ANKRD17: variants seen among roughly 807,000 people sequenced by gnomAD.
ANKRD17 encodes ankyrin repeat domain-containing protein 17.
A neutral mutation model predicts 229.7 loss-of-function variants in ANKRD17; 19 were observed. The ratio of observed to expected loss-of-function variants is 0.08; its 90% CI spans 0.06 to 0.12. The LOEUF (loss-of-function observed/expected upper bound fraction) is 0.12, where lower values mean the gene tolerates loss of function less well. ANKRD17 is among the 10% of genes least tolerant of loss of function. ANKRD17 has a pLI of 1.00. For synonymous variants in ANKRD17, 1,112 were observed against 1,146.1 expected, an observed-to-expected ratio of 0.97 and a Z score of 0.60; for missense variants, 2,176 against 3,176.8, an observed-to-expected ratio of 0.68 and a Z score of 7.57.
At chr4:73,150,816 T>A (rs1336620093) in intron 7 of ANKRD17, among the ~76,000 whole-genome samples, 1 of 152,072 alleles carries the variant, frequency 6.6e-6, no homozygotes, top group Non-Finnish European at 1.5e-5. Context: ...GGTTTAAGAG[T>A]ACTGTTATGA....
intron 2 of ANKRD17, among the ~76,000 whole-genome samples, chr4:73,171,348 T>C (rs190329283): frequency 1.2e-4 from 18 of 152,276 alleles, no homozygotes; most frequent in Admixed American, 1.1e-3. Flanking sequence ...TAAAAAATCA[T>C]AGCGATACTG....
chr4:73,227,937 T>C (rs1014418973), intron 1 of ANKRD17, among the ~76,000 whole-genome samples: 1 of 152,146 alleles, frequency 6.6e-6, no homozygotes, highest in African/African-American at 2.4e-5. Context: ...TCCTATCAAT[T>C]TTTTAACTTA....
intron 1 of ANKRD17, 24 bp downstream of exon 1, chr4:73,258,252 C>T: frequency 6.2e-7 from 1 of 1,613,578 alleles, no homozygotes; most frequent in South Asian, 1.1e-5. Context: ...TTCCTCCCTC[C>T]TTCCTTTGAA....
At chr4:73,223,381 G>A (rs1466255459) in intron 1 of ANKRD17, among the ~76,000 whole-genome samples, 1 of 152,212 alleles carries the variant, frequency 6.6e-6, no homozygotes, top group Non-Finnish European at 1.5e-5. Context: ...GAACAAAAGA[G>A]GTTGAAGTGG....
intron 24 of ANKRD17, among the ~76,000 whole-genome samples, chr4:73,104,895 T>TA (rs1724432699): frequency 6.6e-6 from 1 of 152,122 alleles, no homozygotes; most frequent in South Asian, 2.1e-4. Context: ...GGCTGGGTCT[T>TA]AGATATGTAA....
chr4:73,233,858 T>A (rs563782929), intron 1 of ANKRD17, among the ~76,000 whole-genome samples: 5 of 152,268 alleles, frequency 3.3e-5, no homozygotes, highest in Admixed American at 2.6e-4. Context: ...AAGAACTTAG[T>A]TATTTGATTT....
chr4:73,108,098 G>A (rs1314714092), intron 24 of ANKRD17, among the ~76,000 whole-genome samples: 1 of 152,128 alleles, frequency 6.6e-6, no homozygotes, highest in Admixed American at 6.5e-5. Flanking sequence ...CCAGGCTCAG[G>A]TGATCCTCCC....
At chr4:73,204,910 A>G (rs2149125895) in intron 1 of ANKRD17, among the ~76,000 whole-genome samples, 1 of 145,774 alleles carries the variant, frequency 6.9e-6, no homozygotes, top group African/African-American at 2.7e-5. Context: ...TACTAAAAAT[A>G]CTCACAAAAT....
At chr4:73,133,455 A>G (rs1728498573) in intron 16 of ANKRD17, among the ~76,000 whole-genome samples, 1 of 138,840 alleles carries the variant, frequency 7.2e-6, no homozygotes, top group Non-Finnish European at 1.5e-5. Context: ...CAGTGGCATG[A>G]TCTCGGCTCA....
intron 2 of ANKRD17, among the ~76,000 whole-genome samples, chr4:73,176,239 A>G (rs1299213517): frequency 1.3e-5 from 2 of 152,250 alleles, no homozygotes; most frequent in East Asian, 3.8e-4. Context: ...ACGCAAATCA[A>G]AACTATAATG....
In ANKRD17 at chr4:73,151,423, A is replaced by G; in HGVS notation, c.1329+7T>C. 1.9e-6 allele frequency: 3 copies of G among 1,611,234 alleles called. No individual in the cohort carries two copies. The highest frequency in any genetic ancestry group is 1.1e-5 in the South Asian group (1 of 90,408). On this transcript the variant is annotated splice_region_variant and intron_variant, in intron 7 of 33. Transcript: ENST00000358602. Reference sequence around the variant, plus strand: ...TAAACATATTTGACATATTTCACCAATCTTACCATGCAAGCCTCCATCAGA... The same window carrying G: ...TAAACATATTTGACATATTTCACCAGTCTTACCATGCAAGCCTCCATCAGA...
intron 2 of ANKRD17, among the ~76,000 whole-genome samples, chr4:73,163,584 G>A (rs898768398): frequency 2.0e-5 from 3 of 152,186 alleles, no homozygotes; most frequent in African/African-American, 7.2e-5. Flanking sequence ...ACAGTGAAAG[G>A]TGTTCAATAA....
chr4:73,180,296 A>G (rs1211458395), intron 1 of ANKRD17, among the ~76,000 whole-genome samples: 2 of 152,160 alleles, frequency 1.3e-5, no homozygotes, highest in African/African-American at 2.4e-5. Context: ...GCAAGTAAAA[A>G]ATTTCTATGT....
chr4:73,103,467 T>A (rs552453583), intron 24 of ANKRD17, among the ~76,000 whole-genome samples: 1 of 152,312 alleles, frequency 6.6e-6, no homozygotes, highest in Admixed American at 6.5e-5. Flanking sequence ...AAAAACTAAC[T>A]GTAGGTTTAA....
At chr4:73,112,992 T>C (rs961738897) in intron 24 of ANKRD17, 1 of 700,792 alleles carries the variant, frequency 1.4e-6, no homozygotes, top group Non-Finnish European at 1.8e-6. Flanking sequence ...TTTGCCATGT[T>C]GGCCAGGCTG....
intron 1 of ANKRD17, chr4:73,222,979 G>A: frequency 1.4e-5 from 22 of 1,534,914 alleles, no homozygotes; most frequent in Non-Finnish European, 1.9e-5. Context: ...CCTACCTCAA[G>A]AATGTCTTCT....
Position 73,094,072 on chromosome 4 carries a change from G to A in ANKRD17, c.5327+7C>T. Reference sequence around the variant, plus strand: ...AAAGGAAGAAAATGTAAGAGACAAAGTTTTGCCTTATAGTGATTATCCGGT... The same window carrying A: ...AAAGGAAGAAAATGTAAGAGACAAAATTTTGCCTTATAGTGATTATCCGGT... On this transcript the variant is annotated splice_region_variant and intron_variant, in intron 28 of 33. Coordinates refer to ENST00000358602, the MANE Select transcript of ANKRD17 (RefSeq NM_032217.5). The A allele has an allele frequency of 6.2e-7, 1 of 1,612,348 alleles. No homozygotes were observed. The highest frequency in any genetic ancestry group is 8.5e-7 in the Non-Finnish European group (1 of 1,178,970).
intron 12 of ANKRD17, 94 bp downstream of exon 12, chr4:73,142,546 C>T: frequency 1.3e-6 from 2 of 1,593,088 alleles, no homozygotes; most frequent in South Asian, 1.1e-5. Flanking sequence ...ACTTAGAATG[C>T]CATTATGAAT....
intron 16 of ANKRD17, among the ~76,000 whole-genome samples, chr4:73,131,092 T>C (rs1296821277): frequency 7.2e-5 from 11 of 152,156 alleles, no homozygotes; most frequent in Non-Finnish European, 5.9e-5. Context: ...TTCAAACTAT[T>C]ATTTATTGGT....
Sources: gnomAD v4.1 joint callset for allele counts (sites outside exome capture counted in the v4.1 genomes callset) on GRCh38, gnomAD v4.1.1 for gene constraint, MANE v1.5 for transcripts, NCBI Gene and HGNC (gene_info 2026-07-23, HGNC 2026-07-21) for gene names.